Variants in NCDN observed in about 807,000 individuals in gnomAD.
NCDN encodes neurochondrin.
A neutral mutation model predicts 60.7 loss-of-function variants in NCDN; 9 were observed. The ratio of observed to expected loss-of-function variants is 0.15; its 90% CI spans 0.09 to 0.26. NCDN has a LOEUF of 0.26. Among genes scored for constraint, NCDN ranks in the 10% least tolerant of loss-of-function variants. The pLI, the probability that NCDN is intolerant of heterozygous loss-of-function variation, is 1.00. For synonymous variants in NCDN, 409 were observed against 442.5 expected (o/e 0.92, Z 0.95); for missense variants, 578 against 975.2 (o/e 0.59, Z 5.42).
At position 35,562,285 on chromosome 1, in the gene NCDN, C is replaced by T. The variant is rs1648730391; in HGVS notation, c.1144-107C>T. 4.0e-6 allele frequency: 6 copies of T among 1,495,550 alleles called. No homozygotes were observed. The highest frequency in any genetic ancestry group is 2.8e-5 in the African/African-American group (2 of 71,694). The allele number at this position is 1,495,550 out of a possible 1,614,324, so 92.6% of individuals were successfully genotyped here. A position where few individuals can be genotyped will look rare whatever the true frequency, so the allele number is the denominator to read the frequency against. On this transcript the variant is annotated intron_variant, in intron 3 of 6. Coordinates refer to ENST00000373243, the MANE Select transcript of NCDN (RefSeq NM_014284.3). This position sits in a 1 kb window ranked among gnomAD's most constrained non-coding sequence, Gnocchi z 6.8. ...TTGGGGCCTGCCTTTGAAAGGCTCA[C>T]AGGCCAGAATTTCCTTCTAGTTGTA...
In NCDN at chr1:35,563,707, G is replaced by C. The variant is rs967089095; in HGVS notation, c.1611-60G>C. 74 of 1,585,638 alleles carry C rather than the reference G, an allele frequency of 4.7e-5. 3 individuals carry two copies. The South Asian group carries it at 8.3e-4, about 18-fold the overall frequency. On this transcript the variant is annotated intron_variant, in intron 5 of 6. Transcript: ENST00000373243. The surrounding 1 kb of genome is among the most constrained non-coding windows in gnomAD (Gnocchi z 6.6). ...CCTACTGCCTAATTTCTTGCCAAGG[G>C]CTTGATTTGGCTGTACTAGACCCCC...
chr1:35,558,550 A>G lies in NCDN; in HGVS notation c.33+327A>G. 2 of 1,320,670 alleles carry G rather than the reference A, an allele frequency of 1.5e-6. No homozygotes were observed. The highest frequency in any genetic ancestry group is 1.9e-6 in the Non-Finnish European group (2 of 1,033,132). The allele number at this position is 1,320,670 out of a possible 1,614,324, so 81.8% of individuals were successfully genotyped here. On this transcript the variant is annotated intron_variant, in intron 1 of 6. Transcript: ENST00000373243. This position sits in a 1 kb window ranked among gnomAD's most constrained non-coding sequence, Gnocchi z 6.3. ...GGGTGGGGTCCCCAAAGGGGCCTCCAAGCCTTCCCTGTTGAGCGTCTTGTA... is the reference window on the plus strand; with the variant it reads ...GGGTGGGGTCCCCAAAGGGGCCTCCGAGCCTTCCCTGTTGAGCGTCTTGTA...
rs774862811 is a variant in NCDN, at chr1:35,563,459, C to T, written c.1610+33C>T. On this transcript the variant is annotated intron_variant, in intron 5 of 6. Transcript: ENST00000373243. The surrounding 1 kb of genome is among the most constrained non-coding windows in gnomAD (Gnocchi z 6.6). ...GCTCGGGAGAGGTGGGGGAGGAGGC[C>T]GGAGGAGGCAAAGGAGGCTGCCCAG... 91 of 1,599,608 alleles carry T rather than the reference C, an allele frequency of 5.7e-5. No individual in the cohort carries two copies. Among genetic ancestry groups the T allele is most frequent in the Non-Finnish European group, 7.4e-5 (86 of 1,168,900 alleles).
In NCDN at chr1:35,566,709, G is replaced by A. The variant is rs1439658745; in HGVS notation, c.*1046G>A. On this transcript the variant is annotated 3_prime_UTR_variant, in exon 7 of 7. Coordinates refer to ENST00000373243, the MANE Select transcript of NCDN (RefSeq NM_014284.3). This position sits in a 1 kb window ranked among gnomAD's most constrained non-coding sequence, Gnocchi z 5.3. Reference sequence around the variant, plus strand: ...TGATCCCTTGCTTCCCTCCCCCAGTGCGTTCTGTGATCGCCAAGTTCAAAG... The same window carrying A: ...TGATCCCTTGCTTCCCTCCCCCAGTACGTTCTGTGATCGCCAAGTTCAAAG... The A allele has an allele frequency of 2.2e-6, 1 of 450,220 alleles. No homozygotes were observed. Among genetic ancestry groups the A allele is most frequent in the Admixed American group, 2.4e-5 (1 of 42,018 alleles). The allele number at this position is 450,220 out of a possible 1,614,324, so 27.9% of individuals were successfully genotyped here. A position where few individuals can be genotyped will look rare whatever the true frequency, so the allele number is the denominator to read the frequency against.
In NCDN at chr1:35,557,909, C is replaced by T. The variant is rs920075020; in HGVS notation, c.-282C>T. 8.3e-5 allele frequency: 52 copies of T among 623,004 alleles called. 1 individual carries two copies. Among genetic ancestry groups the T allele is most frequent in the Non-Finnish European group, 1.4e-4 (49 of 344,264 alleles). 38.6% of individuals were successfully genotyped at this position (623,004 alleles called of 1,614,324 possible). On this transcript the variant is annotated 5_prime_UTR_variant, in exon 1 of 7. Coordinates refer to ENST00000373243, the MANE Select transcript of NCDN (RefSeq NM_014284.3). ...GTGAGCTCAGCCCCCTTCGGGCCCT[C>T]CCCTGCATCCCAGCCGGGGCCTCTC...
chr1:35,559,846 G>A (rs1263030558), intron 2 of NCDN, among the ~76,000 whole-genome samples: 2 of 152,134 alleles, frequency 1.3e-5, no homozygotes, highest in Non-Finnish European at 2.9e-5. Flanking sequence ...CTGCAGCAGA[G>A]GAGGTGTTTA....
At position 35,563,064 on chromosome 1, in the gene NCDN, T is replaced by C. The variant is rs896942965; in HGVS notation, c.1386-138T>C. The C allele has an allele frequency of 1.4e-5, 12 of 850,920 alleles. No individual in the cohort carries two copies. The highest frequency in any genetic ancestry group is 2.1e-5 in the Non-Finnish European group (12 of 565,410). 52.7% of individuals were successfully genotyped at this position (850,920 alleles called of 1,614,324 possible). A position where few individuals can be genotyped will look rare whatever the true frequency, so the allele number is the denominator to read the frequency against. ...CTGGGTTGTGCGACTCTGAAGCTTGTACTTTTTCTGTGGTACCTGCGAGGA... is the reference window on the plus strand; with the variant it reads ...CTGGGTTGTGCGACTCTGAAGCTTGCACTTTTTCTGTGGTACCTGCGAGGA... On this transcript the variant is annotated intron_variant, in intron 4 of 6. Transcript: ENST00000373243. The surrounding 1 kb of genome is among the most constrained non-coding windows in gnomAD (Gnocchi z 6.6).
In NCDN at chr1:35,557,915, C is replaced by T; in HGVS notation, c.-276C>T. 3.2e-6 allele frequency: 2 copies of T among 625,610 alleles called. No homozygotes were observed. The highest frequency in any genetic ancestry group is 5.8e-6 in the Non-Finnish European group (2 of 347,042). The allele number at this position is 625,610 out of a possible 1,614,324, so 38.8% of individuals were successfully genotyped here. On this transcript the variant is annotated 5_prime_UTR_variant, in exon 1 of 7. Coordinates refer to ENST00000373243, the MANE Select transcript of NCDN (RefSeq NM_014284.3). ...TCAGCCCCCTTCGGGCCCTCCCCTG[C>T]ATCCCAGCCGGGGCCTCTCCGAGCC...
Position 35,561,249 on chromosome 1 carries a change from C to G in NCDN, c.1098C>G (p.Ser366Arg). The change falls in exon 3 of 7, where the codon AGC becomes AGG. Residue 366 changes from serine to arginine, a missense_variant. Ser to Arg is a moderately radical substitution (Grantham distance 110, BLOSUM62 -1). This residue lies in a region of NCDN where 363 missense variants were observed against 583.6 expected (regional missense o/e 0.62). Transcript: ENST00000373243. This position sits in a 1 kb window ranked among gnomAD's most constrained non-coding sequence, Gnocchi z 4.9. ...AGCCACAGAAGGTGCAGCTCGTGAG[C>G]GTCATGAAGGAGGCCATAGGGGCTG... Reference protein sequence around the residue: ...LKEPQKVQLVSVMKEAIGAVI... With the variant: ...LKEPQKVQLVRVMKEAIGAVI... The G allele has an allele frequency of 6.2e-7, 1 of 1,609,866 alleles. No individual in the cohort carries two copies. The highest frequency in any genetic ancestry group is 8.5e-7 in the Non-Finnish European group (1 of 1,179,168).
In NCDN at chr1:35,558,067, T is replaced by C; in HGVS notation, c.-124T>C. ...CCTTTTCAATATATATCTTTTTTTT[T>C]TTTAATTTGCCCTGTCATCTTTGGG... On this transcript the variant is annotated 5_prime_UTR_variant, in exon 1 of 7. Transcript: ENST00000373243. The surrounding 1 kb of genome is among the most constrained non-coding windows in gnomAD (Gnocchi z 6.3). The C allele has an allele frequency of 7.3e-7, 1 of 1,377,980 alleles. No individual in the cohort carries two copies. Among genetic ancestry groups the C allele is most frequent in the Non-Finnish European group, 1.0e-6 (1 of 995,586 alleles). The allele number at this position is 1,377,980 out of a possible 1,614,324, so 85.4% of individuals were successfully genotyped here. A position where few individuals can be genotyped will look rare whatever the true frequency, so the allele number is the denominator to read the frequency against.
At chr1:35,559,535 G>A (rs559047568) in intron 2 of NCDN, among the ~76,000 whole-genome samples, 55 of 152,304 alleles carry the variant, frequency 3.6e-4, no homozygotes, top group Admixed American at 3.6e-3. Context: ...GCAGCAGGTA[G>A]TAACTAGTGC....
rs1571085379 is a variant in NCDN, at chr1:35,562,432, C to T, written c.1184C>T (p.Ser395Leu). The T allele has an allele frequency of 6.2e-7, 1 of 1,614,182 alleles. No homozygotes were observed. The highest frequency in any genetic ancestry group is 8.5e-7 in the Non-Finnish European group (1 of 1,180,024). ...EKQKEPFVFASVRILGAWLAE... is the reference protein window; with the variant it reads ...EKQKEPFVFALVRILGAWLAE... ...CAGAAGGAGCCCTTTGTGTTTGCCT[C>T]GGTGCGGATCCTGGGTGCCTGGCTG... Residue 395 changes from serine to leucine, a missense_variant, in exon 4 of 7, where the codon TCG becomes TTG. By Grantham distance (145) the Ser-to-Leu change is moderately radical (BLOSUM62 -2). Around this residue, in one of 3 missense-constraint regions of NCDN, gnomAD observed 363 missense variants for 583.6 expected, o/e 0.62. Coordinates refer to ENST00000373243, the MANE Select transcript of NCDN (RefSeq NM_014284.3). The surrounding 1 kb of genome is among the most constrained non-coding windows in gnomAD (Gnocchi z 6.8).
In NCDN at chr1:35,563,754, C is replaced by T. The variant is rs780016756; in HGVS notation, c.1611-13C>T. 26 of 1,613,390 alleles carry T rather than the reference C, an allele frequency of 1.6e-5. 3 individuals are homozygous for T. The South Asian group carries it at 2.5e-4, about 16-fold the overall frequency. On this transcript the variant is annotated splice_polypyrimidine_tract_variant and intron_variant, in intron 5 of 6. Transcript: ENST00000373243. The surrounding 1 kb of genome is among the most constrained non-coding windows in gnomAD (Gnocchi z 6.6). ...CCCCACCTACCTCCATCCTTCCCCC[C>T]TTTCTTTTCCAGGCGTGACGCCTGC... is the stretch of plus-strand genomic sequence containing the variant.
In NCDN at chr1:35,565,480, G is replaced by A. The variant is rs1468468415; in HGVS notation, c.2007G>A (p.Gln669=). 3 of 1,599,616 alleles carry A rather than the reference G, an allele frequency of 1.9e-6. No individual in the cohort carries two copies. The highest frequency in any genetic ancestry group is 4.5e-5 in the East Asian group (2 of 44,132). The change falls in exon 7 of 7, where the codon CAG becomes CAA. Residue 669 remains glutamine, a synonymous_variant. Transcript: ENST00000373243. This position sits in a 1 kb window ranked among gnomAD's most constrained non-coding sequence, Gnocchi z 8.9. ...CCCGCTGGCCGCAGGAGCTGCTCCA[G>A]CTGCTAGGCAGTGTCAGCCCCAACT... ...LRSRWPQELL[Q]LLGSVSPNSV... is the part of the protein sequence containing the mutation.
chr1:35,563,741 C>G lies in NCDN; in HGVS notation c.1611-26C>G, dbSNP rs1648780425. 1.2e-6 allele frequency: 2 copies of G among 1,612,020 alleles called. No homozygotes were observed. The highest frequency in any genetic ancestry group is 1.3e-5 in the African/African-American group (1 of 74,864). On this transcript the variant is annotated intron_variant, in intron 5 of 6. Transcript: ENST00000373243. This position sits in a 1 kb window ranked among gnomAD's most constrained non-coding sequence, Gnocchi z 6.6. ...GGCTGTACTAGACCCCCACCTACCT[C>G]CATCCTTCCCCCCTTTCTTTTCCAG...
At position 35,557,857 on chromosome 1, in the gene NCDN, G is replaced by C. The variant is rs1311660281; in HGVS notation, c.-334G>C. ...CTCCCGGAGCATCGCGCTGGGAGAA[G>C]ACTTCGCCGCTCGGGGCCGCAGCCT... is the stretch of plus-strand genomic sequence containing the variant. On this transcript the variant is annotated 5_prime_UTR_variant, in exon 1 of 7. Coordinates refer to ENST00000373243, the MANE Select transcript of NCDN (RefSeq NM_014284.3). 1 of 588,132 alleles carries C rather than the reference G, an allele frequency of 1.7e-6. No individual in the cohort carries two copies. Among genetic ancestry groups the C allele is most frequent in the South Asian group, 1.5e-5 (1 of 65,436 alleles). The allele number at this position is 588,132 out of a possible 1,614,324, so 36.4% of individuals were successfully genotyped here.
In NCDN at chr1:35,563,518, C is replaced by T. The variant is rs746803300; in HGVS notation, c.1610+92C>T. ...ATTCTCAGTCTCCTACTTTGCCCCC[C>T]ATGCCCATGGATTTGTTAGTGGTAG... On this transcript the variant is annotated intron_variant, in intron 5 of 6. Coordinates refer to ENST00000373243, the MANE Select transcript of NCDN (RefSeq NM_014284.3). The surrounding 1 kb of genome is among the most constrained non-coding windows in gnomAD (Gnocchi z 6.6). 344 of 1,399,886 alleles carry T rather than the reference C, an allele frequency of 2.5e-4. No homozygotes were observed. Among genetic ancestry groups the T allele is most frequent in the Non-Finnish European group, 3.2e-4 (327 of 1,014,272 alleles). 86.7% of individuals were successfully genotyped at this position (1,399,886 alleles called of 1,614,324 possible). A position where few individuals can be genotyped will look rare whatever the true frequency, so the allele number is the denominator to read the frequency against.
chr1:35,559,620 T>A (rs910415639), intron 2 of NCDN, among the ~76,000 whole-genome samples: 1 of 149,762 alleles, frequency 6.7e-6, no homozygotes, highest in South Asian at 2.1e-4. Flanking sequence ...TGGGGAGGGG[T>A]CCTAGGGGAA....
In NCDN at chr1:35,563,573, C is replaced by G. The variant is rs1648775081; in HGVS notation, c.1610+147C>G. On this transcript the variant is annotated intron_variant, in intron 5 of 6. Transcript: ENST00000373243. This position sits in a 1 kb window ranked among gnomAD's most constrained non-coding sequence, Gnocchi z 6.6. ...GGGGTCTCAGAGTAGACATAGCCAG[C>G]CCCGCACAAGGATTCGGCATGCTGG... is the stretch of plus-strand genomic sequence containing the variant. The G allele has an allele frequency of 1.0e-5, 11 of 1,057,400 alleles. No homozygotes were observed. In the South Asian group the frequency reaches 1.7e-4, roughly 16 times the overall value. The allele number at this position is 1,057,400 out of a possible 1,614,324, so 65.5% of individuals were successfully genotyped here. A position where few individuals can be genotyped will look rare whatever the true frequency, so the allele number is the denominator to read the frequency against.
Sources: gnomAD v4.1 joint callset for allele counts (sites outside exome capture counted in the v4.1 genomes callset) on GRCh38, gnomAD v4.1.1 for gene constraint, gnomAD v4.1.1 regional missense constraint, Gnocchi (gnomAD v3.1) non-coding constraint, MANE v1.5 for transcripts, NCBI Gene and HGNC (gene_info 2026-07-23, HGNC 2026-07-21) for gene names.